The following KAZN variants were observed in gnomAD, a reference collection of about 807,000 sequenced individuals.
KAZN encodes kazrin, periplakin interacting protein, also known as kazrin.
A neutral mutation model predicts 87.4 loss-of-function variants in KAZN; 40 were observed. The ratio of observed to expected loss-of-function variants is 0.46; its 90% CI spans 0.36 to 0.60. KAZN has a LOEUF of 0.60. Ranked by LOEUF, KAZN falls within the 20% of genes least tolerant of loss-of-function variation. The pLI is 0.00. For synonymous variants in KAZN, 466 were observed against 458.3 expected, an observed-to-expected ratio of 1.02 and a Z score of -0.22; for missense variants, 898 against 1,073.9, an observed-to-expected ratio of 0.84 and a Z score of 2.29.
At chr1:14,055,072 C>T (rs968635975) in intron 1 of KAZN, among the ~76,000 whole-genome samples, 1 of 152,094 alleles carries the variant, frequency 6.6e-6, no homozygotes, top group African/African-American at 2.4e-5. Flanking sequence ...TTGTGATAAC[C>T]AAAAATGCCC....
chr1:14,505,702 G>A (rs932488917), intron 2 of KAZN, among the ~76,000 whole-genome samples: 8 of 152,274 alleles, frequency 5.3e-5, no homozygotes, highest in South Asian at 4.1e-4. Context: ...GGCTGGGCGC[G>A]GTGGCTCACG....
At chr1:14,335,253 A>G (rs1003467767) in intron 2 of KAZN, among the ~76,000 whole-genome samples, 1 of 149,774 alleles carries the variant, frequency 6.7e-6, no homozygotes, top group Non-Finnish European at 1.5e-5. Flanking sequence ...CCCAGGCTAG[A>G]ATGTAGTGGT....
chr1:14,677,139 T>A (rs1450723346), intron 1 of KAZN, among the ~76,000 whole-genome samples: 4 of 152,106 alleles, frequency 2.6e-5, no homozygotes, highest in African/African-American at 9.7e-5. Context: ...GTGTCATCTT[T>A]GTTTTGTAAA....
intron 1 of KAZN, among the ~76,000 whole-genome samples, chr1:14,166,187 C>A (rs939995147): frequency 5.3e-5 from 8 of 152,072 alleles, no homozygotes; most frequent in Non-Finnish European, 7.4e-5. Context: ...TGGTGGCGTG[C>A]GCCTGTAATC....
chr1:15,068,403 G>A (rs887860028), intron 8 of KAZN, among the ~76,000 whole-genome samples: 3 of 152,084 alleles, frequency 2.0e-5, no homozygotes, highest in Admixed American at 6.6e-5. Context: ...TGGTCCAAAC[G>A]CACCACCCCC....
chr1:14,825,838 C>G (rs1364869264), intron 1 of KAZN, among the ~76,000 whole-genome samples: 1 of 152,246 alleles, frequency 6.6e-6, no homozygotes, highest in East Asian at 1.9e-4. Flanking sequence ...TCTGAGACCA[C>G]AGCCCTCACT....
chr1:14,053,206 G>A (rs1642414066), intron 1 of KAZN, among the ~76,000 whole-genome samples: 1 of 152,250 alleles, frequency 6.6e-6, no homozygotes, highest in Non-Finnish European at 1.5e-5. Context: ...CATGTTGTGA[G>A]AGAGCCAGTG....
At chr1:14,394,366 CAATA>C (rs1297818360) in intron 2 of KAZN, among the ~76,000 whole-genome samples, 1 of 152,138 alleles carries the variant, frequency 6.6e-6, no homozygotes, top group African/African-American at 2.4e-5. Flanking sequence ...TCAAGATTGC[CAATA>C]AATAAATAAT....
intron 2 of KAZN, among the ~76,000 whole-genome samples, chr1:14,402,259 T>G (rs949858890): frequency 6.6e-6 from 1 of 151,526 alleles, no homozygotes; most frequent in East Asian, 1.9e-4. Context: ...AAATCTTCGA[T>G]GTTATAGGAA....
chr1:13,955,792 G>C (rs139193883), intron 1 of KAZN, among the ~76,000 whole-genome samples: 1 of 152,156 alleles, frequency 6.6e-6, no homozygotes, highest in South Asian at 2.1e-4. Context: ...ATGTGAACAT[G>C]ACCTTCCTAA....
exon 1 of KAZN, chr1:13,893,656 C>A (rs1245525202): frequency 4.5e-6 from 7 of 1,550,128 alleles, no homozygotes; most frequent in Non-Finnish European, 6.1e-6. Context: ...CCAAAGACCC[C>A]AAAAGAGCCA....
chr1:14,435,627 C>T (rs557393630), intron 2 of KAZN, among the ~76,000 whole-genome samples: 4 of 152,314 alleles, frequency 2.6e-5, no homozygotes, highest in African/African-American at 9.6e-5. Context: ...CCCTGGTCCC[C>T]AGGGCTGCTT....
At chr1:14,193,229 CT>C (rs918933575) in intron 2 of KAZN, among the ~76,000 whole-genome samples, 13 of 152,172 alleles carry the variant, frequency 8.5e-5, no homozygotes, top group Non-Finnish European at 1.8e-4. Flanking sequence ...CAATTAACCT[CT>C]TTCTTTTATA....
intron 1 of KAZN, among the ~76,000 whole-genome samples, chr1:14,803,311 C>A (rs1304161709): frequency 1.3e-5 from 2 of 152,174 alleles, no homozygotes; most frequent in Non-Finnish European, 2.9e-5. Context: ...ATGTAGCTGA[C>A]CTGTTTCTTC....
At chr1:14,379,925 A>G (rs1661231638) in intron 2 of KAZN, among the ~76,000 whole-genome samples, 1 of 151,940 alleles carries the variant, frequency 6.6e-6, no homozygotes, top group South Asian at 2.1e-4. Context: ...GGCGAGACCC[A>G]GTGTTATGCT....
chr1:13,907,594 T>C (rs1639493742), intron 1 of KAZN, among the ~76,000 whole-genome samples: 1 of 152,182 alleles, frequency 6.6e-6, no homozygotes, highest in Admixed American at 6.5e-5. Flanking sequence ...AGCTCTCTTA[T>C]CCAGGAGGAA....
At chr1:14,015,532 G>A (rs960964486) in intron 1 of KAZN, among the ~76,000 whole-genome samples, 8 of 135,422 alleles carry the variant, frequency 5.9e-5, no homozygotes, top group African/African-American at 2.3e-4. Context: ...CCAGGCTGGA[G>A]TGCAATGGCG....
intron 1 of KAZN, chr1:14,945,903 G>C: frequency 1.0e-6 from 1 of 985,478 alleles, no homozygotes; most frequent in Non-Finnish European, 1.2e-6. Context: ...CATGGAGTCA[G>C]GCATGCCCTG....
intron 1 of KAZN, among the ~76,000 whole-genome samples, chr1:14,626,928 G>T (rs189811379): frequency 9.2e-5 from 14 of 152,236 alleles, no homozygotes; most frequent in African/African-American, 3.1e-4. Flanking sequence ...GACTCTGCCA[G>T]GGACTGTGCT....
Sources: allele counts gnomAD v4.1 joint callset (sites outside exome capture counted in the v4.1 genomes callset), GRCh38; gene constraint gnomAD v4.1.1; transcripts MANE v1.5; gene names NCBI Gene and HGNC (gene_info 2026-07-23, HGNC 2026-07-21).